Variants in HELZ observed in about 807,000 individuals in gnomAD.
HELZ encodes ATP-dependent RNA helicase with zinc finger domain.
A neutral mutation model predicts 218.2 loss-of-function variants in HELZ; 23 were observed. The observed-to-expected ratio is 0.11, with a 90% confidence interval of 0.08 to 0.15. HELZ has a LOEUF of 0.15. Ranked by LOEUF, HELZ falls within the 10% of genes least tolerant of loss-of-function variation. The pLI is 1.00. For missense variants in HELZ, 1,813 were observed against 2,353.7 expected (o/e 0.77, Z 4.75); for synonymous variants, 814 against 829.4 (o/e 0.98, Z 0.32).
rs143675255 is a variant in HELZ, at chr17:67,241,388, A to C, written c.-75-1899T>G. ...TTGGATCTTAGGGTCTCTGACAGACAATTATAGACTAATCTACATTCAATA... is the reference window on the plus strand; with the variant it reads ...TTGGATCTTAGGGTCTCTGACAGACCATTATAGACTAATCTACATTCAATA... On this transcript the variant is annotated intron_variant, in intron 2 of 32. Coordinates refer to ENST00000358691, the MANE Select transcript of HELZ (RefSeq NM_014877.4). Among the ~76,000 whole-genome samples the C allele has an allele frequency of 4.7e-3, 715 of 152,320 alleles. 5 individuals are homozygous for C. The highest frequency in any genetic ancestry group is 0.016 in the African/African-American group (680 of 41,570).
rs138640713 is a variant in HELZ, at chr17:67,206,226, G to A, written c.248-2783C>T. 1.6e-3 allele frequency among the ~76,000 whole-genome samples: 245 copies of A among 152,316 alleles called. 1 individual carries two copies. The highest frequency in any genetic ancestry group is 5.6e-3 in the African/African-American group (233 of 41,558). On this transcript the variant is annotated intron_variant, in intron 5 of 32. Coordinates refer to ENST00000358691, the MANE Select transcript of HELZ (RefSeq NM_014877.4). ...AACTATGTGTGAGAGTGTACTGTGC[G>A]CACACAACTGTTCTCAAACTGAATT...
chr17:67,115,173 G>A (rs1263773311), intron 27 of HELZ, among the ~76,000 whole-genome samples: 1 of 151,942 alleles, frequency 6.6e-6, no homozygotes, highest in African/African-American at 2.4e-5. Context: ...GATGAAGAAA[G>A]CACTGAATGG....
intron 4 of HELZ, among the ~76,000 whole-genome samples, chr17:67,216,864 A>G (rs1205767825): frequency 6.7e-6 from 1 of 148,740 alleles, no homozygotes; most frequent in Non-Finnish European, 1.5e-5. Context: ...TTCCTCTCAC[A>G]CTTTCCCCTT....
At chr17:67,137,894 C>T in intron 22 of HELZ, 37 bp downstream of exon 22, 1 of 1,477,712 alleles carries the variant, frequency 6.8e-7, no homozygotes, top group Non-Finnish European at 9.3e-7. Context: ...TAGATTTAAG[C>T]ATTTGAATGA....
intron 32 of HELZ, among the ~76,000 whole-genome samples, chr17:67,080,085 A>C (rs901957631): frequency 2.6e-5 from 4 of 152,148 alleles, no homozygotes; most frequent in Non-Finnish European, 4.4e-5. Context: ...CTTTTTGTGA[A>C]TCTTTAAGGG....
intron 27 of HELZ, among the ~76,000 whole-genome samples, chr17:67,117,675 A>C (rs2037469297): frequency 6.6e-6 from 1 of 151,376 alleles, no homozygotes; most frequent in African/African-American, 2.4e-5. Context: ...TCAGCCTCTC[A>C]AGTACCTGGG....
At chr17:67,173,747 G>A (rs1417868854) in intron 13 of HELZ, among the ~76,000 whole-genome samples, 2 of 152,106 alleles carry the variant, frequency 1.3e-5, no homozygotes, top group African/African-American at 4.8e-5. Context: ...AACAGAAGCA[G>A]CACCCATCTA....
At chr17:67,095,883 G>A (rs1475536827) in intron 31 of HELZ, among the ~76,000 whole-genome samples, 1 of 152,180 alleles carries the variant, frequency 6.6e-6, no homozygotes, top group East Asian at 1.9e-4. Context: ...CTTTCCAGAA[G>A]GTTTTTAATT....
At chr17:67,225,335 G>A (rs2040861138) in intron 3 of HELZ, 1 of 171,622 alleles carries the variant, frequency 5.8e-6, no homozygotes, top group Non-Finnish European at 1.2e-5. Flanking sequence ...CACTGTAAAC[G>A]ACAGAGGCAG....
chr17:67,139,532 A>C (rs2038257750), intron 21 of HELZ, among the ~76,000 whole-genome samples: 1 of 152,232 alleles, frequency 6.6e-6, no homozygotes, highest in Non-Finnish European at 1.5e-5. Flanking sequence ...AAACAGACTT[A>C]GAATGATGAT....
At chr17:67,203,287 C>T in intron 6 of HELZ, 32 bp downstream of exon 6, 1 of 1,604,900 alleles carries the variant, frequency 6.2e-7, no homozygotes, top group South Asian at 1.1e-5. Flanking sequence ...AATTTGTTTT[C>T]AGGCATACAA....
rs199548324 is a variant in HELZ at position 67,109,419 on chromosome 17, G to C, written c.4186C>G (p.Pro1396Ala). The change falls in exon 29 of 33, where the codon CCT becomes GCT. Residue 1396 changes from proline to alanine, a missense_variant. Pro to Ala is a conservative substitution (Grantham distance 27, BLOSUM62 -1). Transcript: ENST00000358691. ...NLPEQPNQIPPQPNQVVQQQS... is the reference protein window; with the variant it reads ...NLPEQPNQIPAQPNQVVQQQS... ...TGCTGGACTACCTGATTTGGCTGAG[G>C]TGGTATCTGATTTGGTTGTTCAGGC... 3.7e-5 allele frequency: 59 copies of C among 1,614,192 alleles called. No individual in the cohort carries two copies. The highest frequency in any genetic ancestry group is 4.9e-5 in the Non-Finnish European group (58 of 1,180,040).
At chr17:67,185,517 G>A (rs1161108978) in intron 12 of HELZ, among the ~76,000 whole-genome samples, 3 of 152,066 alleles carry the variant, frequency 2.0e-5, no homozygotes, top group Non-Finnish European at 2.9e-5. Context: ...AGTTATCAAA[G>A]AGCTAAAAAT....
rs543008766 is a variant in HELZ at position 67,093,758 on chromosome 17, C to T, written c.5242-6677G>A. ...TACCCCACAGTCCAAGCCACAATCA[C>T]CTCTTGCCTAGATAACTATGACATC... On this transcript the variant is annotated intron_variant, in intron 31 of 32. Coordinates refer to ENST00000358691, the MANE Select transcript of HELZ (RefSeq NM_014877.4). 2.7e-4 allele frequency among the ~76,000 whole-genome samples: 41 copies of T among 152,250 alleles called. 1 individual carries two copies. The highest frequency in any genetic ancestry group is 9.6e-4 in the African/African-American group (40 of 41,520).
At position 67,122,991 on chromosome 17, in the gene HELZ, T is replaced by A. The variant is rs1287418440; in HGVS notation, c.3609A>T (p.Val1203=). 2.5e-6 allele frequency: 4 copies of A among 1,611,850 alleles called. No homozygotes were observed. The Admixed American group carries it at 6.7e-5, about 27-fold the overall frequency. The change falls in exon 26 of 33, where the codon GTA becomes GTT. Residue 1203 remains valine, a synonymous_variant. Coordinates refer to ENST00000358691, the MANE Select transcript of HELZ (RefSeq NM_014877.4). Reference sequence around the variant, plus strand: ...TTACAGGTAAAGGCACCGACATAACTACATTCCCTCCATAGACAGCAGGTA... The same window carrying A: ...TTACAGGTAAAGGCACCGACATAACAACATTCCCTCCATAGACAGCAGGTA... ...LYVPAVYGGN[V]VMSVPLPVPW...
chr17:67,148,880 C>A (rs912281606), intron 19 of HELZ, among the ~76,000 whole-genome samples, 166 bp from the exon 20 acceptor site: 4 of 152,208 alleles, frequency 2.6e-5, no homozygotes, highest in Admixed American at 2.6e-4. Flanking sequence ...ACCATTACCA[C>A]TACTAAGAAC....
chr17:67,095,478 G>A (rs569939751), intron 31 of HELZ, among the ~76,000 whole-genome samples: 1 of 152,272 alleles, frequency 6.6e-6, no homozygotes, highest in Admixed American at 6.5e-5. Flanking sequence ...GGTCCAGGAG[G>A]TCAAGGCTGC....
At chr17:67,213,693 C>G (rs2040515717) in intron 5 of HELZ, among the ~76,000 whole-genome samples, 1 of 151,932 alleles carries the variant, frequency 6.6e-6, no homozygotes, top group South Asian at 2.1e-4. Context: ...TAAGACTATC[C>G]TATAAAAAAA....
intron 5 of HELZ, among the ~76,000 whole-genome samples, chr17:67,209,326 G>A (rs1184162226): frequency 3.9e-5 from 6 of 152,086 alleles, no homozygotes; most frequent in Non-Finnish European, 8.8e-5. Flanking sequence ...GGCCGGACGC[G>A]GTGGCTCACG....
Sources: allele counts gnomAD v4.1 joint callset (sites outside exome capture counted in the v4.1 genomes callset), GRCh38; gene constraint gnomAD v4.1.1; transcripts MANE v1.5; gene names NCBI Gene and HGNC (gene_info 2026-07-23, HGNC 2026-07-21).